Variants in DISP1 observed in about 807,000 individuals in gnomAD.
DISP1 encodes dispatched RND transporter family member 1.
Under a neutral mutation model 37.3 loss-of-function variants are expected in DISP1, and 30 were observed. The observed-to-expected ratio is 0.80, with a 90% CI of 0.60 to 1.09. The LOEUF is 1.09. DISP1 is among the 50% of genes least tolerant of loss of function. The probability of loss-of-function intolerance (pLI) is 0.00; values close to 1 mark genes in which losing one functional copy is unlikely to be tolerated. For synonymous variants in DISP1, 634 were observed against 690.2 expected (o/e 0.92, Z 1.28); for missense variants, 1,598 against 1,879.5 (o/e 0.85, Z 2.77).
At chr1:222,818,386 A>AT (rs1661775997) in intron 1 of DISP1, among the ~76,000 whole-genome samples, 1 of 152,070 alleles carries the variant, frequency 6.6e-6, no homozygotes, top group African/African-American at 2.4e-5. Context: ...TCTTGTGTGA[A>AT]TGACCTGGTG....
intron 1 of DISP1, among the ~76,000 whole-genome samples, chr1:222,882,008 T>C (rs528288284): frequency 1.3e-5 from 2 of 152,240 alleles, no homozygotes; most frequent in Non-Finnish European, 2.9e-5. Context: ...AAAAGGGAAA[T>C]TTTGAGGTGG....
rs560116241 is a variant in DISP1, at chr1:222,990,049, G to A, written c.540-576G>A. Among the ~76,000 whole-genome samples, 12 of 152,064 alleles carry A rather than the reference G, an allele frequency of 7.9e-5. No individual in the cohort carries two copies. In the South Asian group the frequency reaches 1.0e-3, roughly 13 times the overall value. On this transcript the variant is annotated intron_variant, in intron 4 of 8. Transcript: ENST00000675850. ...GAACTCCTGACCTTGTGATCCACCC[G>A]CCTCAGCCTCCCAAAGTGCTGAGAT...
At chr1:222,935,709 G>T (rs986718319) in intron 2 of DISP1, among the ~76,000 whole-genome samples, 3 of 152,150 alleles carry the variant, frequency 2.0e-5, no homozygotes, top group Non-Finnish European at 2.9e-5. Context: ...TTGCTAAGTG[G>T]TTACTGTGGT....
chr1:222,931,651 G>A (rs548627157), intron 2 of DISP1, among the ~76,000 whole-genome samples: 200 of 150,464 alleles, frequency 1.3e-3, no homozygotes, highest in Middle Eastern at 6.8e-3. Flanking sequence ...CCTAGAATTG[G>A]AAAGTTTAAG....
At chr1:222,998,010 C>A (rs1280854616) in intron 8 of DISP1, among the ~76,000 whole-genome samples, 5 of 152,042 alleles carry the variant, frequency 3.3e-5, no homozygotes, top group Non-Finnish European at 7.4e-5. Flanking sequence ...ATTATAAACA[C>A]CTTTGTATTC....
intron 3 of DISP1, among the ~76,000 whole-genome samples, chr1:222,982,540 G>A (rs368896046): frequency 6.6e-6 from 1 of 152,200 alleles, no homozygotes; most frequent in South Asian, 2.1e-4. Flanking sequence ...ATGGGAAAGA[G>A]CTGATTGGAA....
intron 1 of DISP1, among the ~76,000 whole-genome samples, chr1:222,860,228 A>G (rs1269867284): frequency 3.3e-5 from 5 of 152,206 alleles, no homozygotes; most frequent in Non-Finnish European, 7.4e-5. Context: ...CTAATTTTGT[A>G]TCTTTAGTAG....
At chr1:222,914,746 C>T (rs1301663437) in intron 1 of DISP1, among the ~76,000 whole-genome samples, 1 of 152,096 alleles carries the variant, frequency 6.6e-6, no homozygotes, top group African/African-American at 2.4e-5. Flanking sequence ...ATCTCTTGAG[C>T]CCAAGAAGTT....
intron 1 of DISP1, among the ~76,000 whole-genome samples, chr1:222,843,798 G>A (rs1667742089): frequency 1.3e-5 from 2 of 152,226 alleles, no homozygotes; most frequent in Admixed American, 1.3e-4. Context: ...TAGCAACCAG[G>A]ATGGTTAGTT....
chr1:222,840,558 T>TC (rs373791764), intron 1 of DISP1, among the ~76,000 whole-genome samples: 4,965 of 45,392 alleles, frequency 0.11, 123 homozygotes, highest in Non-Finnish European at 0.18. Flanking sequence ...ACAGTATCTC[T>TC]TTTTTTTTTT....
intron 1 of DISP1, among the ~76,000 whole-genome samples, chr1:222,924,416 T>A (rs1672970854): frequency 6.6e-6 from 1 of 152,144 alleles, no homozygotes. Flanking sequence ...TGTAACCTCT[T>A]GATTCAGTGA....
At chr1:222,920,433 G>T (rs1672750015) in intron 1 of DISP1, among the ~76,000 whole-genome samples, 1 of 152,126 alleles carries the variant, frequency 6.6e-6, no homozygotes, top group African/African-American at 2.4e-5. Context: ...ATATTTAGAT[G>T]ATCTACAGTC....
chr1:222,942,865 C>CA lies in DISP1; in HGVS notation c.44dup (p.Asn15LysfsTer10). On this transcript the variant is annotated frameshift_variant, in exon 3 of 9. Transcript: ENST00000675850. LOFTEE classifies it high-confidence loss of function. ...GAAACAATGATTTTGTGGTTCTGAG[C>CA]AACAGCAGCATCGCAACCAGTGCTG... 6.2e-7 allele frequency: 1 copy of CA among 1,614,150 alleles called. No individual in the cohort carries two copies. The highest frequency in any genetic ancestry group is 8.5e-7 in the Non-Finnish European group (1 of 1,180,024).
intron 8 of DISP1, among the ~76,000 whole-genome samples, chr1:222,995,252 G>A (rs1160219085): frequency 6.6e-6 from 1 of 152,106 alleles, no homozygotes; most frequent in African/African-American, 2.4e-5. Context: ...ATTTCACATA[G>A]TATTTCTTTT....
intron 8 of DISP1, among the ~76,000 whole-genome samples, chr1:223,002,081 GTTAATTTGATCTCC>G (rs1363869390): frequency 1.3e-5 from 2 of 152,146 alleles, no homozygotes; most frequent in Non-Finnish European, 2.9e-5. Flanking sequence ...CTAAGTAGGT[GTTAATTTGATCTCC>G]TTTTGTAAAC....
intron 1 of DISP1, among the ~76,000 whole-genome samples, chr1:222,878,687 T>C (rs1355562028): frequency 6.6e-6 from 1 of 152,174 alleles, no homozygotes; most frequent in Non-Finnish European, 1.5e-5. Context: ...GTGTGAAAGA[T>C]AGGCAATAAC....
intron 1 of DISP1, among the ~76,000 whole-genome samples, chr1:222,874,269 C>T (rs1345395669): frequency 1.3e-5 from 2 of 152,018 alleles, no homozygotes; most frequent in Non-Finnish European, 2.9e-5. Flanking sequence ...TTGCTCTTCT[C>T]GAGGAGTATC....
intron 1 of DISP1, among the ~76,000 whole-genome samples, chr1:222,832,236 A>T (rs1665939738): frequency 6.6e-6 from 1 of 152,134 alleles, no homozygotes. Context: ...GCACCACTGC[A>T]CTCCAGCCCT....
intron 4 of DISP1, among the ~76,000 whole-genome samples, chr1:222,984,804 C>G (rs1430500924): frequency 6.6e-6 from 1 of 152,094 alleles, no homozygotes; most frequent in Non-Finnish European, 1.5e-5. Context: ...TTCTCCTACC[C>G]CCAGGCCCTA....
Sources: gnomAD v4.1 joint callset for allele counts (sites outside exome capture counted in the v4.1 genomes callset) on GRCh38, gnomAD v4.1.1 for gene constraint, MANE v1.5 for transcripts, NCBI Gene and HGNC (gene_info 2026-07-23, HGNC 2026-07-21) for gene names.